The following PPP3CB variants were observed in gnomAD, a reference collection of about 807,000 sequenced individuals.
The protein encoded by PPP3CB is protein phosphatase 3 catalytic subunit beta.
In PPP3CB, 8 loss-of-function variants were observed where a neutral mutation model predicts 66.4. The observed-to-expected ratio is 0.12, with a 90% CI of 0.07 to 0.22. The LOEUF (loss-of-function observed/expected upper bound fraction) is 0.22, where lower values mean the gene tolerates loss of function less well. Among genes scored for constraint, PPP3CB ranks in the 10% least tolerant of loss-of-function variants. The probability of loss-of-function intolerance (pLI) is 1.00; values close to 1 mark genes in which losing one functional copy is unlikely to be tolerated. For synonymous variants in PPP3CB, 208 were observed against 221.2 expected (o/e 0.94, Z 0.53); for missense variants, 319 against 642.5 (o/e 0.50, Z 5.44).
chr10:73,488,552 T>TA (rs74262587), intron 1 of PPP3CB, among the ~76,000 whole-genome samples: 1,722 of 84,502 alleles, frequency 0.02, 27 homozygotes, highest in African/African-American at 0.046. Flanking sequence ...TCTTGAGGGT[T>TA]AAAAAAAAAA....
chr10:73,466,822 A>C (rs1589701329), intron 9 of PPP3CB: 2 of 152,154 alleles, frequency 1.3e-5, no homozygotes, highest in South Asian at 4.1e-4. Context: ...TCATGTCTGT[A>C]CTCTCATAAT....
chr10:73,455,726 G>A (rs574294189), intron 9 of PPP3CB, among the ~76,000 whole-genome samples: 55 of 152,110 alleles, frequency 3.6e-4, no homozygotes, highest in Admixed American at 9.8e-4. Flanking sequence ...CCGCCACCTC[G>A]CCCGGCTAAT....
chr10:73,478,504 T>C lies in PPP3CB; in HGVS notation c.406A>G (p.Ile136Val), dbSNP rs1186369101. 7 of 1,607,178 alleles carry C rather than the reference T, an allele frequency of 4.4e-6. No individual in the cohort carries two copies. Among genetic ancestry groups the C allele is most frequent in the Non-Finnish European group, 3.4e-6 (4 of 1,174,132 alleles). ...GDYVDRGYFS[I>V]ECVLYLWVLK... Reference sequence around the variant, plus strand: ...TGACAGTTTATGATTATTACCTCTATACTAAAATAACCTCTGTCCACATAA... The same window carrying C: ...TGACAGTTTATGATTATTACCTCTACACTAAAATAACCTCTGTCCACATAA... Residue 136 changes from isoleucine (I) to valine (V), a missense_variant, in exon 3 of 14, where the codon ATA becomes GTA. Coordinates refer to ENST00000360663, the MANE Select transcript of PPP3CB (RefSeq NM_021132.4).
At chr10:73,450,313 G>A (rs115667891) in intron 10 of PPP3CB, among the ~76,000 whole-genome samples, 48 of 152,268 alleles carry the variant, frequency 3.2e-4, no homozygotes, top group African/African-American at 9.6e-4. Flanking sequence ...CAGAAGGCAC[G>A]CCATTACAGT....
At chr10:73,460,213 T>C (rs2056498463) in intron 9 of PPP3CB, among the ~76,000 whole-genome samples, 1 of 130,726 alleles carries the variant, frequency 7.6e-6, no homozygotes, top group South Asian at 2.3e-4. Flanking sequence ...CTTTAAAGTA[T>C]ACATTTTCAT....
At chr10:73,489,438 T>C (rs981281799) in intron 1 of PPP3CB, among the ~76,000 whole-genome samples, 3 of 152,170 alleles carry the variant, frequency 2.0e-5, no homozygotes, top group Admixed American at 1.3e-4. Context: ...ATAATGGTGA[T>C]GGTTACCATT....
At chr10:73,457,369 G>C (rs1203462797) in intron 9 of PPP3CB, among the ~76,000 whole-genome samples, 1 of 146,558 alleles carries the variant, frequency 6.8e-6, no homozygotes, top group Non-Finnish European at 1.5e-5. Flanking sequence ...CCAGGAGTTT[G>C]AGATTGCAGT....
At chr10:73,442,703 C>A (rs1589681203) in intron 12 of PPP3CB, among the ~76,000 whole-genome samples, 1 of 148,452 alleles carries the variant, frequency 6.7e-6, no homozygotes, top group Non-Finnish European at 1.5e-5. Flanking sequence ...TAAAGCAAAT[C>A]AAAGCAGGTT....
At chr10:73,490,516 C>T (rs547417003) in intron 1 of PPP3CB, among the ~76,000 whole-genome samples, 22 of 152,306 alleles carry the variant, frequency 1.4e-4, no homozygotes, top group Admixed American at 2.6e-4. Context: ...CAGCTTATTT[C>T]ATCTCTGTGT....
Position 73,454,474 on chromosome 10 carries a change from A to G in PPP3CB, c.1124T>C (p.Val375Ala), listed in dbSNP as rs762229258. Residue 375 changes from valine (V) to alanine (A), a missense_variant, in exon 10 of 14, where the codon GTA (valine) becomes GCA (alanine). Val to Ala is a moderately conservative substitution (Grantham distance 64). Transcript: ENST00000360663. ...FVGEKVTEML[V>A]NVLSICSDDE... is the part of the protein sequence containing the mutation. The stretch of plus-strand genomic sequence containing the variant: ...ATCAGAGCAAATACTCAGAACATTT[A>G]CCAACATTTCTGTCACTATTTGGGA... 1 of 1,612,568 alleles carries G rather than the reference A, an allele frequency of 6.2e-7. No homozygotes were observed. Among genetic ancestry groups the G allele is most frequent in the Non-Finnish European group, 8.5e-7 (1 of 1,178,900 alleles).
chr10:73,462,083 G>A (rs994709926), intron 9 of PPP3CB, among the ~76,000 whole-genome samples: 1 of 151,494 alleles, frequency 6.6e-6, no homozygotes, highest in African/African-American at 2.4e-5. Context: ...AAAAGCCGAG[G>A]AGATGCAGGT....
chr10:73,495,257 G>T (rs909482145), intron 1 of PPP3CB, among the ~76,000 whole-genome samples: 2 of 152,150 alleles, frequency 1.3e-5, no homozygotes, highest in African/African-American at 4.8e-5. Flanking sequence ...ATCCCACAAG[G>T]TTCCCCTAAT....
At chr10:73,448,430 T>C (rs2056294100) in intron 10 of PPP3CB, among the ~76,000 whole-genome samples, 1 of 152,080 alleles carries the variant, frequency 6.6e-6, no homozygotes, top group Admixed American at 6.6e-5. Flanking sequence ...GAATGAAATT[T>C]TAAAACAGGA....
At chr10:73,441,593 T>C (rs964946994) in intron 12 of PPP3CB, among the ~76,000 whole-genome samples, 16 of 152,218 alleles carry the variant, frequency 1.1e-4, no homozygotes, top group South Asian at 4.1e-4. Flanking sequence ...TTCAGTTATA[T>C]AGGGCATCTT....
chr10:73,454,377 A>C (rs769750766), intron 10 of PPP3CB, 35 bp downstream of exon 10: 5 of 1,413,922 alleles, frequency 3.5e-6, no homozygotes, highest in Admixed American at 1.8e-5. Context: ...ACCATTTCAC[A>C]GTAAAAAAAA....
chr10:73,494,268 A>T (rs1052759696), intron 1 of PPP3CB, among the ~76,000 whole-genome samples: 6 of 151,390 alleles, frequency 4.0e-5, no homozygotes, highest in Non-Finnish European at 5.9e-5. Context: ...CCTAGGTGCA[A>T]ATCAGTGTTT....
chr10:73,495,836 C>CGGCGGG lies in PPP3CB; in HGVS notation c.48_53dup (p.Pro20_Pro21dup), dbSNP rs958182449. 8 of 669,506 alleles carry CGGCGGG rather than the reference C, an allele frequency of 1.2e-5. No individual in the cohort carries two copies. Among genetic ancestry groups the CGGCGGG allele is most frequent in the East Asian group, 9.6e-5 (1 of 10,424 alleles). 41.5% of individuals were successfully genotyped at this position (669,506 alleles called of 1,614,324 possible). A position where few individuals can be genotyped will look rare whatever the true frequency, so the allele number is the denominator to read the frequency against. On this transcript the variant is annotated inframe_insertion, in exon 1 of 14. Transcript: ENST00000360663. ...CGACGCGGTCAGCCCCGGGAGGGGG[C>CGGCGGG]GGCGGGGGCGGGGGTGGGGGCGGTG...
chr10:73,438,252 G>C lies in PPP3CB; in HGVS notation c.1565C>G (p.Thr522Ser), dbSNP rs749327107. The change falls in exon 14 of 14, where the codon ACT becomes AGT. Residue 522 changes from threonine (T) to serine (S), a missense_variant. Transcript: ENST00000360663. ...CTGGGAAGTAGTGGGTCACTGGGCA[G>C]TATGGTTGCCCGTCCCGTGGTTCTC... is the stretch of plus-strand genomic sequence containing the variant. ...ATENHGTGNH[T>S]AQ 1.2e-6 allele frequency: 2 copies of C among 1,613,786 alleles called. No homozygotes were observed. Among genetic ancestry groups the C allele is most frequent in the Non-Finnish European group, 1.7e-6 (2 of 1,179,866 alleles).
At position 73,436,713 on chromosome 10, in the gene PPP3CB, G is replaced by A. The variant is rs138763068; in HGVS notation, c.*1529C>T. 42 of 152,050 alleles carry A rather than the reference G, an allele frequency of 2.8e-4. No individual in the cohort carries two copies. In the East Asian group the frequency reaches 8.1e-3, roughly 29 times the overall value. 9.4% of individuals were successfully genotyped at this position (152,050 alleles called of 1,614,324 possible). A position where few individuals can be genotyped will look rare whatever the true frequency, so the allele number is the denominator to read the frequency against. On this transcript the variant is annotated 3_prime_UTR_variant, in exon 14 of 14. Transcript: ENST00000360663. Reference sequence around the variant, plus strand: ...ATGAACTATCCACGAGATAATCTCCGGAGGACATCCCAGCTCTAGTAACAG... The same window carrying A: ...ATGAACTATCCACGAGATAATCTCCAGAGGACATCCCAGCTCTAGTAACAG...
Sources: gnomAD v4.1 joint callset for allele counts (sites outside exome capture counted in the v4.1 genomes callset) on GRCh38, gnomAD v4.1.1 for gene constraint, MANE v1.5 for transcripts, NCBI Gene and HGNC (gene_info 2026-07-23, HGNC 2026-07-21) for gene names.